Variants in ENOX1 observed in about 807,000 individuals in gnomAD.
The protein encoded by ENOX1 is candidate growth-related and time keeping constitutive hydroquinone (NADH) oxidase.
A neutral mutation model predicts 82.5 loss-of-function variants in ENOX1; 42 were observed. The observed-to-expected ratio is 0.51, with a 90% CI of 0.40 to 0.66. The LOEUF is 0.66. Ranked by LOEUF, ENOX1 falls within the 30% of genes least tolerant of loss-of-function variation. The pLI is 0.00. For missense variants in ENOX1, 608 were observed against 811.6 expected (o/e 0.75, Z 3.05); for synonymous variants, 271 against 282.2 (o/e 0.96, Z 0.40).
intron 3 of ENOX1, among the ~76,000 whole-genome samples, chr13:43,469,138 GT>G (rs2153644809): frequency 6.6e-6 from 1 of 152,132 alleles, no homozygotes; most frequent in African/African-American, 2.4e-5. Flanking sequence ...TGGTTAAAAA[GT>G]TTCCTTATAT....
intron 14 of ENOX1, among the ~76,000 whole-genome samples, chr13:43,258,120 G>A (rs2043853549): frequency 6.6e-6 from 1 of 152,202 alleles, no homozygotes; most frequent in Non-Finnish European, 1.5e-5. Context: ...CTGGCATTGA[G>A]GTGTCTGGGA....
chr13:43,509,731 G>A (rs999435188), intron 2 of ENOX1, among the ~76,000 whole-genome samples: 5 of 152,038 alleles, frequency 3.3e-5, no homozygotes, highest in Non-Finnish European at 5.9e-5. Context: ...TAAACCAAAT[G>A]AAGAGGTTTT....
intron 1 of ENOX1, among the ~76,000 whole-genome samples, chr13:43,673,119 A>T (rs182545454): frequency 1.8e-3 from 273 of 152,026 alleles, no homozygotes; most frequent in East Asian, 0.013. Context: ...CTATTTTTTT[A>T]AAAAAAGCAG....
chr13:43,240,415 C>A (rs1157684460), intron 14 of ENOX1, among the ~76,000 whole-genome samples: 1 of 151,598 alleles, frequency 6.6e-6, no homozygotes, highest in Non-Finnish European at 1.5e-5. Context: ...GGAGGCTTAA[C>A]AAGTGAAGAG....
At chr13:43,373,047 A>T (rs1220901264) in intron 5 of ENOX1, among the ~76,000 whole-genome samples, 8 of 152,242 alleles carry the variant, frequency 5.3e-5, no homozygotes, top group Non-Finnish European at 7.3e-5. Flanking sequence ...CCTGGTACAG[A>T]GTAAGCACTC....
At position 43,249,924 on chromosome 13, in the gene ENOX1, C is replaced by T. The variant is rs150056172; in HGVS notation, c.1612-13186G>A. On this transcript the variant is annotated intron_variant, in intron 14 of 16. Coordinates refer to ENST00000690772, the MANE Select transcript of ENOX1 (RefSeq NM_001347969.2). Reference sequence around the variant, plus strand: ...CATGAGAACTATTCCAAGAACCAAGCGTTCCTGATTGCTTCTGCATGGTGC... The same window carrying T: ...CATGAGAACTATTCCAAGAACCAAGTGTTCCTGATTGCTTCTGCATGGTGC... Among the ~76,000 whole-genome samples the T allele has an allele frequency of 1.1e-3, 162 of 152,286 alleles. 1 individual carries two copies. Among genetic ancestry groups the T allele is most frequent in the African/African-American group, 3.8e-3 (158 of 41,554 alleles).
intron 2 of ENOX1, among the ~76,000 whole-genome samples, chr13:43,573,961 T>C (rs1495765): frequency 0.54 from 82,640 of 151,926 alleles, 22,823 homozygotes; most frequent in Non-Finnish European, 0.61. Context: ...TTGAAAACCA[T>C]TGCTTCCCCA....
chr13:43,476,295 C>T (rs9525787), intron 3 of ENOX1, among the ~76,000 whole-genome samples: 55,570 of 151,902 alleles, frequency 0.37, 12,123 homozygotes, highest in Non-Finnish European at 0.5. Flanking sequence ...TTTCTGATAG[C>T]TCTCATTTAG....
intron 1 of ENOX1, among the ~76,000 whole-genome samples, chr13:43,704,781 A>C (rs1394316991): frequency 6.6e-6 from 1 of 152,204 alleles, no homozygotes; most frequent in East Asian, 1.9e-4. Context: ...GAAAGAACCA[A>C]ATAGAGATTT....
chr13:43,537,473 T>G (rs1267377740), intron 2 of ENOX1, among the ~76,000 whole-genome samples: 1 of 152,166 alleles, frequency 6.6e-6, no homozygotes, highest in Non-Finnish European at 1.5e-5. Flanking sequence ...GCCAAAGAAA[T>G]GCTGTTTTGT....
intron 2 of ENOX1, chr13:43,546,866 CACA>C (rs1566499743): frequency 6.6e-6 from 1 of 152,170 alleles, no homozygotes; most frequent in Non-Finnish European, 1.5e-5. Context: ...TTATCCTTCT[CACA>C]ACATCACTGA....
intron 1 of ENOX1, among the ~76,000 whole-genome samples, chr13:43,771,540 A>T (rs1321825810): frequency 6.6e-6 from 1 of 152,180 alleles, no homozygotes; most frequent in Non-Finnish European, 1.5e-5. Context: ...TCTTTGAAAG[A>T]CTTTTGAAAA....
At chr13:43,219,442 C>T (rs976090919) in intron 16 of ENOX1, among the ~76,000 whole-genome samples, 3 of 151,990 alleles carry the variant, frequency 2.0e-5, no homozygotes, top group Non-Finnish European at 4.4e-5. Flanking sequence ...TTTTGATTAC[C>T]CTCTTACCCA....
At position 43,786,817 on chromosome 13, in the gene ENOX1, T is replaced by G. The variant is rs1952662279; in HGVS notation, c.-450A>C. The G allele has an allele frequency of 7.5e-6, 1 of 134,220 alleles. No homozygotes were observed. Among genetic ancestry groups the G allele is most frequent in the South Asian group, 2.2e-4 (1 of 4,514 alleles). The allele number at this position is 134,220 out of a possible 1,614,324, so 8.3% of individuals were successfully genotyped here. A position where few individuals can be genotyped will look rare whatever the true frequency, so the allele number is the denominator to read the frequency against. On this transcript the variant is annotated 5_prime_UTR_variant, in exon 1 of 17. Coordinates refer to ENST00000690772, the MANE Select transcript of ENOX1 (RefSeq NM_001347969.2). This position sits in a 1 kb window ranked among gnomAD's most constrained non-coding sequence, Gnocchi z 6.0. ...CGGCCGGGCTGCAGTCGCCGTTCCCTCTGCTGCCGCCGCCGCTGCAGCAGA... is the reference window on the plus strand; with the variant it reads ...CGGCCGGGCTGCAGTCGCCGTTCCCGCTGCTGCCGCCGCCGCTGCAGCAGA...
intron 2 of ENOX1, among the ~76,000 whole-genome samples, chr13:43,567,860 A>T (rs944051506): frequency 1.3e-5 from 2 of 152,230 alleles, no homozygotes; most frequent in East Asian, 1.9e-4. Context: ...GTTGAATTGC[A>T]TACATGCCTT....
chr13:43,763,170 G>T (rs895190460), intron 1 of ENOX1, among the ~76,000 whole-genome samples: 12 of 152,204 alleles, frequency 7.9e-5, no homozygotes, highest in Non-Finnish European at 1.6e-4. Flanking sequence ...CCTTGTCTAT[G>T]TCTGGGCTGC....
chr13:43,478,476 C>G (rs113361783), intron 3 of ENOX1, among the ~76,000 whole-genome samples: 2,244 of 152,018 alleles, frequency 0.015, 49 homozygotes, highest in African/African-American at 0.051. Flanking sequence ...ACAGAAAAAT[C>G]CCCATATTTT....
In ENOX1 at chr13:43,344,704, A is replaced by G; in HGVS notation, c.870T>C (p.Ile290=). The stretch of plus-strand genomic sequence containing the variant: ...AGCGCCGATTCACTTCCCCTCGTTC[A>G]ATCCAGGAAAGCAGCACTGTGATAG... ...SEAITVLLSW[I]ERGEVNRRSA... Residue 290 remains isoleucine (I), a synonymous_variant, in exon 9 of 17, where the codon ATT becomes ATC. Coordinates refer to ENST00000690772, the MANE Select transcript of ENOX1 (RefSeq NM_001347969.2). The G allele has an allele frequency of 1.9e-6, 3 of 1,614,202 alleles. No homozygotes were observed. Among genetic ancestry groups the G allele is most frequent in the Non-Finnish European group, 2.5e-6 (3 of 1,180,040 alleles).
At chr13:43,584,977 C>T (rs1289023531) in intron 2 of ENOX1, among the ~76,000 whole-genome samples, 3 of 152,112 alleles carry the variant, frequency 2.0e-5, no homozygotes, top group African/African-American at 7.2e-5. Flanking sequence ...TGAATAAAGG[C>T]CTCCCAAAGA....
Sources: gnomAD v4.1 joint callset for allele counts (sites outside exome capture counted in the v4.1 genomes callset) on GRCh38, gnomAD v4.1.1 for gene constraint, Gnocchi (gnomAD v3.1) non-coding constraint, MANE v1.5 for transcripts, NCBI Gene and HGNC (gene_info 2026-07-23, HGNC 2026-07-21) for gene names.